HS3ST5: variants seen among roughly 807,000 people sequenced by gnomAD.
HS3ST5 encodes heparan sulfate-glucosamine 3-sulfotransferase 5.
A neutral mutation model predicts 25.4 loss-of-function variants in HS3ST5; 10 were observed. The ratio of observed to expected loss-of-function variants is 0.39; its 90% CI spans 0.24 to 0.67. The LOEUF (loss-of-function observed/expected upper bound fraction) is 0.67. Among genes scored for constraint, HS3ST5 ranks in the 30% least tolerant of loss-of-function variants. The probability of loss-of-function intolerance (pLI) is 0.44; values close to 1 mark genes in which losing one functional copy is unlikely to be tolerated. For synonymous variants in HS3ST5, 170 were observed against 162.4 expected (o/e 1.05, Z -0.36); for missense variants, 324 against 420.7 (o/e 0.77, Z 2.01).
chr6:114,341,163 G>GGAGGGAGGGA (rs1562281292), intron 1 of HS3ST5, among the ~76,000 whole-genome samples: 5 of 129,082 alleles, frequency 3.9e-5, no homozygotes, highest in African/African-American at 1.5e-4. Flanking sequence ...GGGAGAGAGG[G>GGAGGGAGGGA]GAGGGAGGGA....
chr6:114,221,522 A>C (rs1782038890), intron 2 of HS3ST5, among the ~76,000 whole-genome samples: 1 of 151,810 alleles, frequency 6.6e-6, no homozygotes, highest in Admixed American at 6.6e-5. Flanking sequence ...ATCACTGACC[A>C]GGATTACAGT....
At chr6:114,214,519 T>C (rs1000913479) in intron 2 of HS3ST5, among the ~76,000 whole-genome samples, 5 of 152,236 alleles carry the variant, frequency 3.3e-5, no homozygotes, top group African/African-American at 1.2e-4. Flanking sequence ...TCCCGTAAGA[T>C]TTGTAACTGA....
chr6:114,074,259 G>A (rs942865396), intron 3 of HS3ST5, among the ~76,000 whole-genome samples: 7 of 150,506 alleles, frequency 4.7e-5, no homozygotes, highest in African/African-American at 1.5e-4. Flanking sequence ...AAACCTGCAC[G>A]TTATGCACAT....
At chr6:114,341,222 GGAGAGA>G (rs4034605) in intron 1 of HS3ST5, among the ~76,000 whole-genome samples, 669 of 46,622 alleles carry the variant, frequency 0.014, 4 homozygotes, top group South Asian at 0.023. Context: ...GGAGAGAGGG[GGAGAGA>G]GAGAGAGAGA....
intron 1 of HS3ST5, among the ~76,000 whole-genome samples, chr6:114,307,480 A>G (rs1012122842): frequency 2.6e-5 from 4 of 151,744 alleles, no homozygotes; most frequent in African/African-American, 7.3e-5. Flanking sequence ...TTGTATTGCA[A>G]TTTCATATAG....
intron 2 of HS3ST5, among the ~76,000 whole-genome samples, chr6:114,180,008 C>G (rs1421111123): frequency 6.6e-6 from 1 of 152,124 alleles, no homozygotes; most frequent in Non-Finnish European, 1.5e-5. Flanking sequence ...CTTCCACCTT[C>G]TTCTGCCTGC....
chr6:114,285,156 A>G (rs1019346108), intron 1 of HS3ST5, among the ~76,000 whole-genome samples: 6 of 152,056 alleles, frequency 3.9e-5, no homozygotes, highest in Non-Finnish European at 8.8e-5. Flanking sequence ...CAAAATGTGG[A>G]AATTACCTAA....
At chr6:114,221,417 T>C (rs1266714527) in intron 2 of HS3ST5, among the ~76,000 whole-genome samples, 1 of 151,866 alleles carries the variant, frequency 6.6e-6, no homozygotes, top group Non-Finnish European at 1.5e-5. Flanking sequence ...AATGGTTCCA[T>C]AATGACATAC....
chr6:114,106,025 G>A (rs299416), intron 3 of HS3ST5, among the ~76,000 whole-genome samples: 131,988 of 152,120 alleles, frequency 0.87, 57,438 homozygotes, highest in Non-Finnish European at 0.9. Flanking sequence ...CAACAAATCA[G>A]TTTTACTTAA....
At chr6:114,308,189 A>C (rs1303349417) in intron 1 of HS3ST5, among the ~76,000 whole-genome samples, 2 of 152,226 alleles carry the variant, frequency 1.3e-5, no homozygotes, top group Non-Finnish European at 2.9e-5. Flanking sequence ...TTAAGCATAA[A>C]TTGAATTTTA....
intron 3 of HS3ST5, among the ~76,000 whole-genome samples, chr6:114,166,242 A>C (rs1010376709): frequency 2.0e-5 from 3 of 152,070 alleles, no homozygotes; most frequent in Non-Finnish European, 4.4e-5. Flanking sequence ...CAGTAAACTT[A>C]ATGTATCATC....
chr6:114,123,168 G>T (rs1265707022), intron 3 of HS3ST5, among the ~76,000 whole-genome samples: 2 of 152,138 alleles, frequency 1.3e-5, no homozygotes, highest in African/African-American at 4.8e-5. Context: ...GGTCAGGCTG[G>T]TCTAAAACTC....
At chr6:114,290,542 GT>G (rs1774528324) in intron 1 of HS3ST5, among the ~76,000 whole-genome samples, 1 of 152,038 alleles carries the variant, frequency 6.6e-6, no homozygotes, top group Admixed American at 6.6e-5. Context: ...GCCAAAAGGG[GT>G]TTTATTTTCT....
chr6:114,261,807 GT>G (rs1215170057), intron 1 of HS3ST5, among the ~76,000 whole-genome samples: 1 of 152,148 alleles, frequency 6.6e-6, no homozygotes, highest in Non-Finnish European at 1.5e-5. Context: ...CTTCTTCCAT[GT>G]TAAAAATCTG....
At chr6:114,090,777 A>G (rs1024492458) in intron 3 of HS3ST5, among the ~76,000 whole-genome samples, 15 of 152,200 alleles carry the variant, frequency 9.9e-5, no homozygotes, top group Admixed American at 2.0e-4. Context: ...AGAGCCTATT[A>G]AATGAACAAG....
intron 1 of HS3ST5, among the ~76,000 whole-genome samples, chr6:114,335,178 A>G (rs991589825): frequency 9.9e-5 from 15 of 152,118 alleles, no homozygotes; most frequent in African/African-American, 3.6e-4. Context: ...CTGGGCCTCA[A>G]TTACCTCATC....
intron 3 of HS3ST5, among the ~76,000 whole-genome samples, chr6:114,121,205 A>G (rs1454322223): frequency 6.6e-6 from 1 of 152,212 alleles, no homozygotes; most frequent in Non-Finnish European, 1.5e-5. Context: ...CACTGTTCTG[A>G]CCCACAGTTT....
At position 114,342,420 on chromosome 6, in the gene HS3ST5, AGGCGGCGGCGGC is replaced by A. The variant is rs527646640; in HGVS notation, c.-576_-565del. The A allele has an allele frequency of 8.4e-5, 16 of 191,312 alleles. No homozygotes were observed. The highest frequency in any genetic ancestry group is 1.6e-4 in the East Asian group (1 of 6,248). 11.9% of individuals were successfully genotyped at this position (191,312 alleles called of 1,614,324 possible). ...TAAGACGCGAGCGGGCCCCACACGC[AGGCGGCGGCGGC>A]GGCGGCGGCGGCGGCGAGGTCTGAG... is the stretch of plus-strand genomic sequence containing the variant. On this transcript the variant is annotated 5_prime_UTR_variant, in exon 1 of 5. Transcript: ENST00000312719.
At chr6:114,119,194 G>A (rs1421524583) in intron 3 of HS3ST5, among the ~76,000 whole-genome samples, 1 of 152,174 alleles carries the variant, frequency 6.6e-6, no homozygotes, top group African/African-American at 2.4e-5. Flanking sequence ...CAAAGTGCCT[G>A]AGGGACGATA....
Sources: gnomAD v4.1 joint callset for allele counts (sites outside exome capture counted in the v4.1 genomes callset) on GRCh38, gnomAD v4.1.1 for gene constraint, MANE v1.5 for transcripts, NCBI Gene and HGNC (gene_info 2026-07-23, HGNC 2026-07-21) for gene names.